ANKFY1: variants seen among roughly 807,000 people sequenced by gnomAD.
ANKFY1 encodes the protein ankyrin repeat and FYVE domain containing 1.
Under a neutral mutation model 128.3 loss-of-function variants are expected in ANKFY1, and 47 were observed. The observed-to-expected ratio is 0.37, with a 90% CI of 0.29 to 0.47. ANKFY1 has a LOEUF of 0.47. ANKFY1 is among the 20% of genes least tolerant of loss of function. ANKFY1 has a pLI of 1.00. For missense variants in ANKFY1, 1,222 were observed against 1,510.6 expected, an observed-to-expected ratio of 0.81 and a Z score of 3.17; for synonymous variants, 553 against 601.6, an observed-to-expected ratio of 0.92 and a Z score of 1.18.
At chr17:4,190,178 C>T (rs1484727858) in intron 10 of ANKFY1, among the ~76,000 whole-genome samples, 1 of 152,198 alleles carries the variant, frequency 6.6e-6, no homozygotes, top group Non-Finnish European at 1.5e-5. Flanking sequence ...TGGTGGCTCA[C>T]AGCAGTCATC....
chr17:4,246,461 G>GT (rs1967547624), intron 1 of ANKFY1, among the ~76,000 whole-genome samples: 2 of 152,160 alleles, frequency 1.3e-5, no homozygotes, highest in Admixed American at 1.3e-4. Flanking sequence ...ACTGACAATA[G>GT]TATCAGCCAC....
chr17:4,181,156 A>C lies in ANKFY1; in HGVS notation c.2240+98T>G. On this transcript the variant is annotated intron_variant, in intron 16 of 24. Transcript: ENST00000341657. This position sits in a 1 kb window ranked among gnomAD's most constrained non-coding sequence, Gnocchi z 4.9. ...CTTAACTGTGAAAGTCAAGCCGGCTACTGGCATGCCAAGACTATAGACGGA... is the reference window on the plus strand; with the variant it reads ...CTTAACTGTGAAAGTCAAGCCGGCTCCTGGCATGCCAAGACTATAGACGGA... 2 of 959,714 alleles carry C rather than the reference A, an allele frequency of 2.1e-6. No homozygotes were observed. The highest frequency in any genetic ancestry group is 3.3e-6 in the Non-Finnish European group (2 of 609,348). The allele number at this position is 959,714 out of a possible 1,614,324, so 59.4% of individuals were successfully genotyped here.
At chr17:4,180,357 A>G (rs769385247) in intron 16 of ANKFY1, 1 of 154,962 alleles carries the variant, frequency 6.5e-6, no homozygotes, top group African/African-American at 2.4e-5. Context: ...GAATTACTTG[A>G]ACCCAGGAGG....
chr17:4,184,717 C>T, intron 12 of ANKFY1, 101 bp downstream of exon 12: 3 of 1,290,912 alleles, frequency 2.3e-6, no homozygotes, highest in Non-Finnish European at 3.3e-6. Context: ...AGAAACTAGC[C>T]ATATGAAACT....
chr17:4,263,928 C>T lies in ANKFY1; in HGVS notation c.10+4G>A, dbSNP rs1302005876. The T allele has an allele frequency of 6.2e-7, 1 of 1,613,974 alleles. No homozygotes were observed. Among genetic ancestry groups the T allele is most frequent in the Non-Finnish European group, 8.5e-7 (1 of 1,179,928 alleles). On this transcript the variant is annotated splice_donor_region_variant and intron_variant, in intron 1 of 24. Coordinates refer to ENST00000341657, the MANE Select transcript of ANKFY1 (RefSeq NM_001330063.2). ...TCCCGCGCGGCTCCACAAAAAAACC[C>T]TACCTTCCGCCATGTCTGGCCCGGC...
At chr17:4,175,149 A>G (rs1598011360) in intron 19 of ANKFY1, among the ~76,000 whole-genome samples, 1 of 151,500 alleles carries the variant, frequency 6.6e-6, no homozygotes, top group African/African-American at 2.4e-5. Context: ...CCCAGGTAAC[A>G]TGGCAAAACC....
intron 2 of ANKFY1, among the ~76,000 whole-genome samples, chr17:4,238,058 G>A (rs1966997609): frequency 6.6e-6 from 1 of 151,130 alleles, no homozygotes; most frequent in Non-Finnish European, 1.5e-5. Flanking sequence ...CAGGCACAGT[G>A]GCACACACCT....
intron 7 of ANKFY1, among the ~76,000 whole-genome samples, chr17:4,201,175 C>T (rs1412810845): frequency 6.6e-6 from 1 of 152,130 alleles, no homozygotes; most frequent in Non-Finnish European, 1.5e-5. Flanking sequence ...GGGGTACAGG[C>T]GCATGCCACC....
intron 7 of ANKFY1, among the ~76,000 whole-genome samples, chr17:4,201,351 A>G (rs2059924508): frequency 6.6e-6 from 1 of 152,058 alleles, no homozygotes; most frequent in African/African-American, 2.4e-5. Flanking sequence ...CTTTTTCAAC[A>G]CTTCCCATCT....
intron 1 of ANKFY1, among the ~76,000 whole-genome samples, chr17:4,254,794 GAC>G (rs1567982277): frequency 6.6e-6 from 1 of 152,170 alleles, no homozygotes; most frequent in African/African-American, 2.4e-5. Context: ...TTTGCAATAA[GAC>G]AGAAAGTGGG....
At chr17:4,170,046 G>A (rs766176006) in intron 23 of ANKFY1, among the ~76,000 whole-genome samples, 2 of 152,182 alleles carry the variant, frequency 1.3e-5, no homozygotes, top group African/African-American at 4.8e-5. Flanking sequence ...CCAAGTGCAC[G>A]GCAGAGGGAA....
chr17:4,235,692 T>C, intron 3 of ANKFY1, 80 bp downstream of exon 3: 2 of 955,620 alleles, frequency 2.1e-6, no homozygotes, highest in Admixed American at 4.4e-5. Flanking sequence ...ATCACAAATA[T>C]TTCAAAATGA....
intron 1 of ANKFY1, among the ~76,000 whole-genome samples, chr17:4,263,105 G>C (rs908113636): frequency 6.6e-6 from 1 of 152,220 alleles, no homozygotes; most frequent in Non-Finnish European, 1.5e-5. Flanking sequence ...ATTCCTGACA[G>C]GTAACTCCCC....
intron 2 of ANKFY1, among the ~76,000 whole-genome samples, chr17:4,240,713 G>A (rs75862573): frequency 0.018 from 2,801 of 152,218 alleles, 89 homozygotes; most frequent in African/African-American, 0.064. Flanking sequence ...TTCTTAAAAC[G>A]CCACCCTGAT....
chr17:4,196,319 C>T (rs1416650411), intron 8 of ANKFY1, among the ~76,000 whole-genome samples: 6 of 152,026 alleles, frequency 3.9e-5, no homozygotes, highest in South Asian at 2.1e-4. Context: ...ATCTTATTTA[C>T]GTACTTATCT....
chr17:4,215,815 A>G (rs2060212240), intron 4 of ANKFY1, among the ~76,000 whole-genome samples: 1 of 152,248 alleles, frequency 6.6e-6, no homozygotes, highest in South Asian at 2.1e-4. Context: ...GACAAGGTCA[A>G]CAGGAGAAAG....
intron 3 of ANKFY1, among the ~76,000 whole-genome samples, chr17:4,224,546 T>A (rs1024892619): frequency 6.6e-6 from 1 of 152,160 alleles, no homozygotes; most frequent in African/African-American, 2.4e-5. Flanking sequence ...AGATACCTGG[T>A]TTGTCTTGTA....
chr17:4,174,529 T>C (rs1298192354), intron 19 of ANKFY1, among the ~76,000 whole-genome samples: 1 of 152,062 alleles, frequency 6.6e-6, no homozygotes, highest in Non-Finnish European at 1.5e-5. Context: ...AATTAGAAGA[T>C]AGTATGATTC....
rs1348453670 is a variant in ANKFY1 at position 4,235,670 on chromosome 17, T to C, written c.322+102A>G. 6.1e-6 allele frequency: 5 copies of C among 814,254 alleles called. No homozygotes were observed. In the African/African-American group the frequency reaches 8.6e-5, roughly 14 times the overall value. The allele number at this position is 814,254 out of a possible 1,614,324, so 50.4% of individuals were successfully genotyped here. A position where few individuals can be genotyped will look rare whatever the true frequency, so the allele number is the denominator to read the frequency against. ...GTTGCCATCAATTGCTTAATTATTT[T>C]ACTTTCATTAAATCACAAATATTTC... On this transcript the variant is annotated intron_variant, in intron 3 of 24. Coordinates refer to ENST00000341657, the MANE Select transcript of ANKFY1 (RefSeq NM_001330063.2).
Sources: allele counts gnomAD v4.1 joint callset (sites outside exome capture counted in the v4.1 genomes callset), GRCh38; gene constraint gnomAD v4.1.1; non-coding constraint Gnocchi (gnomAD v3.1); transcripts MANE v1.5; gene names NCBI Gene and HGNC (gene_info 2026-07-23, HGNC 2026-07-21).